Variants in MAGOHB observed in about 807,000 individuals in gnomAD.
The protein encoded by MAGOHB is mago homolog B, exon junction complex subunit.
In MAGOHB, 15 loss-of-function variants were observed where a neutral mutation model predicts 20.9. The observed-to-expected ratio is 0.72, with a 90% CI of 0.48 to 1.11. MAGOHB has a LOEUF of 1.11. MAGOHB is among the 50% of genes least tolerant of loss of function. MAGOHB has a pLI of 0.00. For missense variants in MAGOHB, 162 were observed against 177.6 expected (o/e 0.91, Z 0.50); for synonymous variants, 50 against 57.9 (o/e 0.86, Z 0.62).
intron 1 of MAGOHB, chr12:10,612,917 C>G (rs1342238562): frequency 7.8e-7 from 1 of 1,289,054 alleles, no homozygotes; most frequent in Non-Finnish European, 1.0e-6. Flanking sequence ...CTAAGAAGAT[C>G]TTCCTGACTC....
In MAGOHB at chr12:10,610,667, A is replaced by G. The variant is rs752635314; in HGVS notation, c.108T>C (p.Tyr36=). The change falls in exon 2 of 5, where the codon TAT becomes TAC. Residue 36 remains tyrosine, a synonymous_variant. Coordinates refer to ENST00000320756, the MANE Select transcript of MAGOHB (RefSeq NM_018048.5). ...CATTTTTGTAATTGCTGTTGTTGGCATATCTAAGCTTTCCTGTGGGAAGTG... is the reference window on the plus strand; with the variant it reads ...CATTTTTGTAATTGCTGTTGTTGGCGTATCTAAGCTTTCCTGTGGGAAGTG... ...FEFRPDGKLR[Y]ANNSNYKNDV... The G allele has an allele frequency of 1.3e-6, 2 of 1,585,808 alleles. No individual in the cohort carries two copies. The highest frequency in any genetic ancestry group is 1.9e-5 in the Admixed American group (1 of 53,902).
downstream of MAGOHB, among the ~76,000 whole-genome samples, chr12:10,601,562 T>C (rs781589562): frequency 3.3e-5 from 5 of 152,192 alleles, no homozygotes; most frequent in Admixed American, 6.5e-5. Flanking sequence ...CTAAGTCTTG[T>C]ATTCACCATA....
At chr12:10,606,553 AT>A (rs1410974150) in intron 4 of MAGOHB, among the ~76,000 whole-genome samples, 179 bp from the exon 5 acceptor site, 1 of 152,110 alleles carries the variant, frequency 6.6e-6, no homozygotes, top group Non-Finnish European at 1.5e-5. Context: ...ATACGAAAAA[AT>A]AGTTTCTTCA....
At chr12:10,610,320 A>G (rs2120528404) in intron 2 of MAGOHB, among the ~76,000 whole-genome samples, 1 of 152,302 alleles carries the variant, frequency 6.6e-6, no homozygotes. Context: ...CAGAGGTTGC[A>G]GTGAGCTGAG....
intron 1 of MAGOHB, chr12:10,612,921 C>T (rs938992147): frequency 2.8e-5 from 36 of 1,289,034 alleles, no homozygotes; most frequent in Non-Finnish European, 3.6e-5. Flanking sequence ...GAAGATCTTC[C>T]TGACTCCCTC....
chr12:10,606,735 G>T (rs1217879725), intron 4 of MAGOHB, among the ~76,000 whole-genome samples: 1 of 149,540 alleles, frequency 6.7e-6, no homozygotes, highest in Non-Finnish European at 1.5e-5. Flanking sequence ...ATTATTCCTT[G>T]TGCCCTTTTT....
Position 10,613,583 on chromosome 12 carries a change from C to A in MAGOHB, c.-51G>T. On this transcript the variant is annotated 5_prime_UTR_variant, in exon 1 of 5. Coordinates refer to ENST00000320756, the MANE Select transcript of MAGOHB (RefSeq NM_018048.5). Reference sequence around the variant, plus strand: ...AACGCAGCCAACGTGTCCCCCGGCGCCTTGCAGTGACGTCATCGCGCGGAA... The same window carrying A: ...AACGCAGCCAACGTGTCCCCCGGCGACTTGCAGTGACGTCATCGCGCGGAA... 8.0e-7 allele frequency: 1 copy of A among 1,254,076 alleles called. No individual in the cohort carries two copies. Among genetic ancestry groups the A allele is most frequent in the Non-Finnish European group, 1.2e-6 (1 of 851,328 alleles). The allele number at this position is 1,254,076 out of a possible 1,614,324, so 77.7% of individuals were successfully genotyped here.
chr12:10,601,399 GAA>G (rs1865553806), downstream of MAGOHB, among the ~76,000 whole-genome samples: 1 of 152,176 alleles, frequency 6.6e-6, no homozygotes, highest in African/African-American at 2.4e-5. Context: ...TGGCCTGACT[GAA>G]GACAGAGCAC....
chr12:10,606,119 G>C lies in MAGOHB; in HGVS notation c.*156C>G, dbSNP rs1865625155. The C allele has an allele frequency of 2.0e-6, 1 of 503,552 alleles. No individual in the cohort carries two copies. The highest frequency in any genetic ancestry group is 3.5e-6 in the Non-Finnish European group (1 of 282,010). The allele number at this position is 503,552 out of a possible 1,614,324, so 31.2% of individuals were successfully genotyped here. ...TCCAACCCATATGGACTCAAGTAAGGATAACCATTAAGCTTGCTAATGTAT... is the reference window on the plus strand; with the variant it reads ...TCCAACCCATATGGACTCAAGTAAGCATAACCATTAAGCTTGCTAATGTAT... On this transcript the variant is annotated 3_prime_UTR_variant, in exon 5 of 5. Transcript: ENST00000320756.
downstream of MAGOHB, among the ~76,000 whole-genome samples, chr12:10,603,735 C>T (rs1591660206): frequency 6.6e-6 from 1 of 152,262 alleles, no homozygotes; most frequent in East Asian, 1.9e-4. Flanking sequence ...CGGAAGTCAG[C>T]CAAGGCAGAT....
rs1865620159 is a variant in MAGOHB, at chr12:10,605,858, ATC to A, written c.*415_*416del. 6.6e-6 allele frequency: 1 copy of A among 152,452 alleles called. No individual in the cohort carries two copies. Among genetic ancestry groups the A allele is most frequent in the Non-Finnish European group, 1.5e-5 (1 of 68,278 alleles). 9.4% of individuals were successfully genotyped at this position (152,452 alleles called of 1,614,324 possible). ...TCATGTATGAAGGAAATAAGGGACAATCTACACTTGCCTTTCATGGATGGGAA... is the reference window on the plus strand; with the variant it reads ...TCATGTATGAAGGAAATAAGGGACAATACACTTGCCTTTCATGGATGGGAA... On this transcript the variant is annotated 3_prime_UTR_variant, in exon 5 of 5. Transcript: ENST00000320756.
chr12:10,609,364 C>A (rs1232178553), intron 3 of MAGOHB: 1 of 440,664 alleles, frequency 2.3e-6, no homozygotes, highest in South Asian at 1.6e-5. Context: ...TCTTCAGAAG[C>A]CTGAGAAACA....
intron 1 of MAGOHB, among the ~76,000 whole-genome samples, chr12:10,611,575 C>T (rs1250488862): frequency 1.3e-5 from 2 of 150,904 alleles, no homozygotes; most frequent in Admixed American, 1.3e-4. Context: ...GGAGAAACCC[C>T]GTCTCTACTA....
At chr12:10,610,342 G>A (rs919630129) in intron 2 of MAGOHB, among the ~76,000 whole-genome samples, 4 of 152,164 alleles carry the variant, frequency 2.6e-5, no homozygotes, top group Non-Finnish European at 4.4e-5. Flanking sequence ...TCAAGCCACT[G>A]CACTCCAGCT....
downstream of MAGOHB, among the ~76,000 whole-genome samples, chr12:10,602,055 C>T (rs1031029597): frequency 2.6e-5 from 4 of 152,198 alleles, no homozygotes; most frequent in South Asian, 6.2e-4. Flanking sequence ...CTGCCCCATT[C>T]AGATAGATAC....
chr12:10,611,379 C>G (rs1865732468), intron 1 of MAGOHB, among the ~76,000 whole-genome samples: 1 of 152,078 alleles, frequency 6.6e-6, no homozygotes, highest in Non-Finnish European at 1.5e-5. Context: ...TATGCTTCCC[C>G]TTATGGCTAG....
Position 10,611,771 on chromosome 12 carries a change from A to AAAAAAG in MAGOHB, c.95-1092_95-1091insCTTTTT, listed in dbSNP as rs1555146555. ...TCAAAAAAAAAAAAAAAAAAAAAAA[A>AAAAAAG]AAAAGAAAAGAAACGCGTCTTCGGG... On this transcript the variant is annotated intron_variant, in intron 1 of 4. Coordinates refer to ENST00000320756, the MANE Select transcript of MAGOHB (RefSeq NM_018048.5). Among the ~76,000 whole-genome samples the AAAAAAG allele has an allele frequency of 5.8e-3, 542 of 92,964 alleles. 18 individuals carry two copies. Among genetic ancestry groups the AAAAAAG allele is most frequent in the Non-Finnish European group, 6.9e-3 (331 of 48,016 alleles). The allele number at this position is 92,964 out of a possible 152,430, so 61.0% of individuals were successfully genotyped here. A position where few individuals can be genotyped will look rare whatever the true frequency, so the allele number is the denominator to read the frequency against.
chr12:10,613,000 A>C (rs1865776342), intron 1 of MAGOHB: 1 of 1,169,578 alleles, frequency 8.6e-7, no homozygotes, highest in African/African-American at 1.6e-5. Context: ...AATTACACGT[A>C]AACACCTAAA....
At chr12:10,601,279 A>G (rs1003167195), downstream of MAGOHB, among the ~76,000 whole-genome samples, 6 of 53,884 alleles carry the variant, frequency 1.1e-4, no homozygotes, top group Admixed American at 6.9e-4. Context: ...ACCTCCCAAC[A>G]TTGACAAGTA....
Sources: allele counts gnomAD v4.1 joint callset (sites outside exome capture counted in the v4.1 genomes callset), GRCh38; gene constraint gnomAD v4.1.1; transcripts MANE v1.5; gene names NCBI Gene and HGNC (gene_info 2026-07-23, HGNC 2026-07-21).